The following RNF111 variants were observed in gnomAD, a reference collection of about 807,000 sequenced individuals.
The protein encoded by RNF111 is ring finger protein 111.
In RNF111, 17 loss-of-function variants were observed where a neutral mutation model predicts 95.1. That is an observed-to-expected ratio of 0.18 (90% confidence interval 0.12 to 0.27). The LOEUF is 0.27. Among genes scored for constraint, RNF111 ranks in the 10% least tolerant of loss-of-function variants. RNF111 has a pLI of 1.00. For synonymous variants in RNF111, 440 were observed against 414.8 expected (o/e 1.06, Z -0.74); for missense variants, 1,189 against 1,210.4 (o/e 0.98, Z 0.26).
At chr15:59,035,919 C>T (rs184453769) in intron 2 of RNF111, among the ~76,000 whole-genome samples, 447 of 152,294 alleles carry the variant, frequency 2.9e-3, no homozygotes, top group African/African-American at 7.6e-3. Flanking sequence ...CAAACTTTTG[C>T]AACCTCTGCC....
chr15:59,095,323 CT>C lies in RNF111; in HGVS notation c.*426del, dbSNP rs878936878. The C allele has an allele frequency of 2.8e-5, 5 of 176,028 alleles. No individual in the cohort carries two copies. The South Asian group carries it at 6.3e-4, about 22-fold the overall frequency. The allele number at this position is 176,028 out of a possible 1,614,324, so 10.9% of individuals were successfully genotyped here. On this transcript the variant is annotated 3_prime_UTR_variant, in exon 14 of 14. Coordinates refer to ENST00000348370, the MANE Select transcript of RNF111 (RefSeq NM_017610.8). ...AACCTTTAATTTAATCAATCATGTACTTTAGTTTAATGTATAAAGATCCTCT... is the reference window on the plus strand; with the variant it reads ...AACCTTTAATTTAATCAATCATGTACTTAGTTTAATGTATAAAGATCCTCT...
rs377013840 is a variant in RNF111 at position 59,075,939 on chromosome 15, T to A, written c.1687-15T>A. 6.2e-6 allele frequency: 10 copies of A among 1,611,686 alleles called. No homozygotes were observed. In the Admixed American group the frequency reaches 1.5e-4, roughly 24 times the overall value. ...CAAACTTTAGAAAGATAAAATATACTTCCTTTTTATCTAGCAGGCATTGCC... is the reference window on the plus strand; with the variant it reads ...CAAACTTTAGAAAGATAAAATATACATCCTTTTTATCTAGCAGGCATTGCC... On this transcript the variant is annotated splice_polypyrimidine_tract_variant and intron_variant, in intron 6 of 13. Transcript: ENST00000348370.
intron 3 of RNF111, among the ~76,000 whole-genome samples, chr15:59,052,950 G>A (rs1156472330): frequency 6.6e-6 from 1 of 152,078 alleles, no homozygotes; most frequent in Non-Finnish European, 1.5e-5. Flanking sequence ...GATCTGCTTT[G>A]AAATTTAGAT....
intron 1 of RNF111, among the ~76,000 whole-genome samples, chr15:58,996,101 A>T: frequency 6.6e-6 from 1 of 152,118 alleles, no homozygotes; most frequent in Non-Finnish European, 1.5e-5. Context: ...TTTCAAATAC[A>T]TAATGAGTTA....
At chr15:59,076,298 C>G (rs1384298397) in intron 7 of RNF111, 83 bp downstream of exon 7, 1 of 1,466,966 alleles carries the variant, frequency 6.8e-7, no homozygotes, top group Non-Finnish European at 9.2e-7. Context: ...ACCTTTAATC[C>G]CAGTTCTTAA....
chr15:59,029,623 G>GA (rs1335663854), intron 1 of RNF111, among the ~76,000 whole-genome samples: 1 of 152,184 alleles, frequency 6.6e-6, no homozygotes, highest in African/African-American at 2.4e-5. Context: ...TGTAGAGAGG[G>GA]AAAATACTTG....
intron 1 of RNF111, among the ~76,000 whole-genome samples, chr15:59,017,677 A>G (rs1038338965): frequency 6.7e-6 from 1 of 150,172 alleles, no homozygotes; most frequent in African/African-American, 2.5e-5. Flanking sequence ...AAGTTGACAG[A>G]TTTATTACTT....
At chr15:59,000,494 C>T (rs994017300) in intron 1 of RNF111, among the ~76,000 whole-genome samples, 7 of 152,138 alleles carry the variant, frequency 4.6e-5, no homozygotes, top group South Asian at 2.1e-4. Flanking sequence ...GGCGGATCAC[C>T]TGAGGTCAGG....
At chr15:59,010,798 T>C (rs1367196132) in intron 1 of RNF111, among the ~76,000 whole-genome samples, 1 of 152,166 alleles carries the variant, frequency 6.6e-6, no homozygotes, top group African/African-American at 2.4e-5. Context: ...TGATGAGAGA[T>C]GTAGGGAGCT....
intron 2 of RNF111, among the ~76,000 whole-genome samples, chr15:59,046,651 G>A (rs1362739875): frequency 6.6e-6 from 1 of 152,184 alleles, no homozygotes; most frequent in Non-Finnish European, 1.5e-5. Context: ...GAAAATCTCA[G>A]TGACCTTGGG....
Position 59,091,113 on chromosome 15 carries a change from G to C in RNF111, c.2698G>C (p.Gly900Arg). ...LGNVNRGASQ[G>R]TIERCTYPHK... ...CAATGTCAATCGTGGAGCATCCCAG[G>C]GGACAATTGAAAGATGTACATATCC... Residue 900 changes from glycine to arginine, a missense_variant, in exon 12 of 14, where the codon GGG (glycine) becomes CGG (arginine). Transcript: ENST00000348370. The C allele has an allele frequency of 1.2e-6, 2 of 1,609,540 alleles. No homozygotes were observed. The highest frequency in any genetic ancestry group is 1.7e-6 in the Non-Finnish European group (2 of 1,176,912).
At chr15:59,024,373 A>G (rs1182652642) in intron 1 of RNF111, among the ~76,000 whole-genome samples, 4 of 152,202 alleles carry the variant, frequency 2.6e-5, no homozygotes, top group South Asian at 2.1e-4. Flanking sequence ...TTTCATTGCT[A>G]GAGATCTGCC....
chr15:59,051,430 A>C (rs8041704), intron 2 of RNF111, among the ~76,000 whole-genome samples: 64,091 of 145,968 alleles, frequency 0.44, 14,915 homozygotes, highest in African/African-American at 0.62. Flanking sequence ...TGCACTCCAG[A>C]CTGGGCGATT....
chr15:59,052,753 G>A (rs1196577650), intron 3 of RNF111, among the ~76,000 whole-genome samples: 3 of 151,636 alleles, frequency 2.0e-5, no homozygotes, highest in Non-Finnish European at 4.4e-5. Flanking sequence ...AAACTCACCT[G>A]GAGAGATAAT....
In RNF111 at chr15:59,031,011, A is replaced by G. The variant is rs201703137; in HGVS notation, c.189A>G (p.Glu63=). 7.4e-6 allele frequency: 12 copies of G among 1,614,220 alleles called. No homozygotes were observed. In the East Asian group the frequency reaches 2.7e-4, roughly 36 times the overall value. ...TGATTAATAGTAAAGTGGGGAATGA[A>G]TTCTCTCACCTGTGTGATGATTCTC... ...VEMINSKVGN[E]FSHLCDDSQK... The change falls in exon 2 of 14, where the codon GAA becomes GAG. Residue 63 remains glutamate (E), a synonymous_variant. Coordinates refer to ENST00000348370, the MANE Select transcript of RNF111 (RefSeq NM_017610.8).
intron 1 of RNF111, among the ~76,000 whole-genome samples, chr15:59,016,967 T>TG (rs1347781656): frequency 6.6e-6 from 1 of 151,948 alleles, no homozygotes; most frequent in East Asian, 1.9e-4. Context: ...TAATGCCTGA[T>TG]GATCTGTCAC....
chr15:59,010,405 T>A (rs552386191), intron 1 of RNF111, among the ~76,000 whole-genome samples: 3 of 152,238 alleles, frequency 2.0e-5, no homozygotes, highest in East Asian at 1.9e-4. Context: ...TTATTTATTT[T>A]TTCTTTCTTT....
At position 59,060,711 on chromosome 15, in the gene RNF111, C is replaced by A. The variant is rs545590128; in HGVS notation, c.1366+2161C>A. On this transcript the variant is annotated intron_variant, in intron 5 of 13. Transcript: ENST00000348370. Reference sequence around the variant, plus strand: ...AAACCTGAGAAGTTAAGTACCTTGACAAAACTGTAATAATTTTTGAGGCAG... The same window carrying A: ...AAACCTGAGAAGTTAAGTACCTTGAAAAAACTGTAATAATTTTTGAGGCAG... Among the ~76,000 whole-genome samples, 61 of 152,178 alleles carry A rather than the reference C, an allele frequency of 4.0e-4. 1 individual carries two copies. The South Asian group carries it at 5.6e-3, about 14-fold the overall frequency.
intron 5 of RNF111, 115 bp from the exon 6 acceptor site, chr15:59,066,649 G>A (rs1415043579): frequency 1.2e-6 from 1 of 846,302 alleles, no homozygotes; most frequent in East Asian, 2.7e-5. Flanking sequence ...TATTTACAGA[G>A]ATTTGAAATT....
Sources: allele counts gnomAD v4.1 joint callset (sites outside exome capture counted in the v4.1 genomes callset), GRCh38; gene constraint gnomAD v4.1.1; transcripts MANE v1.5; gene names NCBI Gene and HGNC (gene_info 2026-07-23, HGNC 2026-07-21).